The following C5orf22 variants were observed in gnomAD, a reference collection of about 807,000 sequenced individuals.
C5orf22 encodes the protein UPF0489 protein C5orf22.
In C5orf22, 36 loss-of-function variants were observed where a neutral mutation model predicts 48.7. The observed-to-expected ratio is 0.74, with a 90% CI of 0.57 to 0.98. C5orf22 has a LOEUF of 0.98. Among genes scored for constraint, C5orf22 ranks in the 50% least tolerant of loss-of-function variants. The pLI, the probability that C5orf22 is intolerant of heterozygous loss-of-function variation, is 0.00. For missense variants in C5orf22, 486 were observed against 521.9 expected, an observed-to-expected ratio of 0.93 and a Z score of 0.67; for synonymous variants, 141 against 180.8, an observed-to-expected ratio of 0.78 and a Z score of 1.76.
At chr5:31,546,122 CAAAG>C (rs1742866297) in intron 7 of C5orf22, among the ~76,000 whole-genome samples, 1 of 151,960 alleles carries the variant, frequency 6.6e-6, no homozygotes, top group South Asian at 2.1e-4. Flanking sequence ...AACCACAAGA[CAAAG>C]AAAAAAGAGA....
intron 7 of C5orf22, among the ~76,000 whole-genome samples, chr5:31,549,111 C>T (rs765745662): frequency 1.3e-5 from 2 of 152,018 alleles, no homozygotes; most frequent in African/African-American, 4.8e-5. Flanking sequence ...CCCAGCTACT[C>T]GGGAGGCTGA....
chr5:31,547,668 G>A (rs1207187287), intron 7 of C5orf22, among the ~76,000 whole-genome samples: 3 of 152,224 alleles, frequency 2.0e-5, no homozygotes, highest in Non-Finnish European at 2.9e-5. Flanking sequence ...ACCACAGCCC[G>A]AGCTCTATGT....
intron 7 of C5orf22, among the ~76,000 whole-genome samples, chr5:31,548,989 G>A (rs1305718980): frequency 2.0e-5 from 3 of 152,168 alleles, no homozygotes; most frequent in Non-Finnish European, 4.4e-5. Flanking sequence ...GGAGGCCGAA[G>A]CGAGCAGATC....
At chr5:31,547,165 A>C (rs1321173819) in intron 7 of C5orf22, among the ~76,000 whole-genome samples, 2 of 152,250 alleles carry the variant, frequency 1.3e-5, no homozygotes, top group Non-Finnish European at 2.9e-5. Flanking sequence ...AGGGCAGTCA[A>C]ATCTTAAAGC....
In C5orf22 at chr5:31,534,590, C is replaced by A. The variant is rs536440395; in HGVS notation, c.227+173C>A. ...AGTGTTGACAACTTTCTTAAAGAGCCAGATTAGCAAATATTTTAGGTTTGC... is the reference window on the plus strand; with the variant it reads ...AGTGTTGACAACTTTCTTAAAGAGCAAGATTAGCAAATATTTTAGGTTTGC... On this transcript the variant is annotated intron_variant, in intron 2 of 8. Transcript: ENST00000325366. 25 of 603,850 alleles carry A rather than the reference C, an allele frequency of 4.1e-5. No individual in the cohort carries two copies. In the East Asian group the frequency reaches 6.1e-4, roughly 15 times the overall value. The allele number at this position is 603,850 out of a possible 1,614,324, so 37.4% of individuals were successfully genotyped here.
intron 7 of C5orf22, among the ~76,000 whole-genome samples, chr5:31,547,528 C>T (rs761128823): frequency 5.9e-5 from 9 of 152,378 alleles, no homozygotes; most frequent in Non-Finnish European, 8.8e-5. Context: ...CAAACTTCTG[C>T]CTGGGCATCC....
chr5:31,535,030 A>G (rs1295815125), intron 2 of C5orf22: 1 of 453,828 alleles, frequency 2.2e-6, no homozygotes, highest in Non-Finnish European at 4.4e-6. Flanking sequence ...GAAATATATG[A>G]TGAAGATTCA....
At chr5:31,548,547 A>G in intron 7 of C5orf22, 1 of 450,178 alleles carries the variant, frequency 2.2e-6, no homozygotes. Context: ...TTCATTGTCC[A>G]TGTCATTATC....
intron 3 of C5orf22, 45 bp from the exon 4 acceptor site, chr5:31,538,215 T>G (rs1561320751): frequency 2.1e-6 from 3 of 1,402,154 alleles, no homozygotes; most frequent in African/African-American, 2.9e-5. Context: ...AAATGTCAAC[T>G]GATTTGCCCA....
chr5:31,540,166 A>G (rs1054234516), intron 4 of C5orf22, among the ~76,000 whole-genome samples: 2 of 152,226 alleles, frequency 1.3e-5, no homozygotes, highest in Non-Finnish European at 2.9e-5. Context: ...AGTTTCTTCA[A>G]GTATCAAATC....
chr5:31,534,308 C>A lies in C5orf22; in HGVS notation c.118C>A (p.His40Asn). The A allele has an allele frequency of 6.2e-7, 1 of 1,613,862 alleles. No homozygotes were observed. Among genetic ancestry groups the A allele is most frequent in the Non-Finnish European group, 8.5e-7 (1 of 1,179,756 alleles). ...TATATACCGGGCCATAGGCTCAAAG[C>A]ATCTTCCTGCCAGTAATGTAAGTTT... Reference protein sequence around the residue: ...PFIYRAIGSKHLPASNVSFLH... With the variant: ...PFIYRAIGSKNLPASNVSFLH... The change falls in exon 2 of 9, where the codon CAT becomes AAT. Residue 40 changes from histidine (H) to asparagine (N), a missense_variant. Around this residue, in one of 3 missense-constraint regions of C5orf22, gnomAD observed 74 missense variants for 61.2 expected, o/e 1.21. Transcript: ENST00000325366.
chr5:31,548,327 A>C (rs1339996436), intron 7 of C5orf22, among the ~76,000 whole-genome samples: 3 of 152,024 alleles, frequency 2.0e-5, no homozygotes, highest in Non-Finnish European at 4.4e-5. Context: ...GGATGCCTTT[A>C]ACAGCACCCA....
chr5:31,538,201 A>T (rs1742216157), intron 3 of C5orf22, 59 bp from the exon 4 acceptor site: 1 of 1,253,634 alleles, frequency 8.0e-7, no homozygotes, highest in Non-Finnish European at 1.1e-6. Flanking sequence ...GCCATACCAT[A>T]GTGAAATGTC....
chr5:31,546,070 T>G lies in C5orf22; in HGVS notation c.1059+358T>G, dbSNP rs532460602. ...TGAGTATTTATACTGCCTTCTGCCT[T>G]CCTTCTTTTCCTCCCTATTTAAAAA... On this transcript the variant is annotated intron_variant, in intron 7 of 8. Coordinates refer to ENST00000325366, the MANE Select transcript of C5orf22 (RefSeq NM_018356.3). Among the ~76,000 whole-genome samples, 3 of 152,320 alleles carry G rather than the reference T, an allele frequency of 2.0e-5. No homozygotes were observed. In the South Asian group the frequency reaches 6.2e-4, roughly 32 times the overall value.
At position 31,545,261 on chromosome 5, in the gene C5orf22, T is replaced by C. The variant is rs551737232; in HGVS notation, c.993-385T>C. Among the ~76,000 whole-genome samples the C allele has an allele frequency of 6.6e-5, 10 of 152,100 alleles. 1 individual carries two copies. The highest frequency in any genetic ancestry group is 2.6e-4 in the Admixed American group (4 of 15,266). ...TTAGTCGAGACAGGGTTTCACCACA[T>C]TGGCCAGGCTGGTCTCGAACTCCTG... On this transcript the variant is annotated intron_variant, in intron 6 of 8. Transcript: ENST00000325366.
Position 31,532,493 on chromosome 5 carries a change from G to C in C5orf22, c.81+20G>C. 2 of 1,604,990 alleles carry C rather than the reference G, an allele frequency of 1.2e-6. No individual in the cohort carries two copies. Among genetic ancestry groups the C allele is most frequent in the Non-Finnish European group, 1.7e-6 (2 of 1,173,276 alleles). ...CAGGAGGTGAGCGGACGGCAACAGG[G>C]CTCTGGGGCAGAATCAGCGGAAGCC... On this transcript the variant is annotated intron_variant, in intron 1 of 8. Transcript: ENST00000325366.
chr5:31,540,758 A>T (rs1471117357), intron 4 of C5orf22, 191 bp from the exon 5 acceptor site: 2 of 530,624 alleles, frequency 3.8e-6, no homozygotes, highest in African/African-American at 3.8e-5. Context: ...AAATTTTACA[A>T]TATTTACAAT....
chr5:31,537,576 T>C (rs954188000), intron 3 of C5orf22, among the ~76,000 whole-genome samples: 4 of 152,190 alleles, frequency 2.6e-5, no homozygotes, highest in Admixed American at 6.5e-5. Flanking sequence ...CTAGAAGAAG[T>C]ATTTGGCTTC....
At chr5:31,533,046 C>G (rs1291968914) in intron 1 of C5orf22, among the ~76,000 whole-genome samples, 1 of 152,148 alleles carries the variant, frequency 6.6e-6, no homozygotes, top group Non-Finnish European at 1.5e-5. Context: ...CCTCCGCCTC[C>G]TGGGTTCGAG....
Sources: gnomAD v4.1 joint callset for allele counts (sites outside exome capture counted in the v4.1 genomes callset) on GRCh38, gnomAD v4.1.1 for gene constraint, gnomAD v4.1.1 regional missense constraint, MANE v1.5 for transcripts, NCBI Gene and HGNC (gene_info 2026-07-23, HGNC 2026-07-21) for gene names.